Variants in PARP8 observed in about 807,000 individuals in gnomAD.
PARP8 encodes protein mono-ADP-ribosyltransferase PARP8.
Under a neutral mutation model 124.1 loss-of-function variants are expected in PARP8, and 51 were observed. The observed-to-expected ratio is 0.41, with a 90% CI of 0.33 to 0.52. The LOEUF is 0.52. Among genes scored for constraint, PARP8 ranks in the 20% least tolerant of loss-of-function variants. PARP8 has a pLI of 0.21. For synonymous variants in PARP8, 391 were observed against 361.5 expected, an observed-to-expected ratio of 1.08 and a Z score of -0.93; for missense variants, 860 against 1,018.9, an observed-to-expected ratio of 0.84 and a Z score of 2.12.
rs1287526385 is a variant in PARP8 at position 50,688,759 on chromosome 5, C to A, written c.146+20634C>A. On this transcript the variant is annotated intron_variant, in intron 2 of 25. Coordinates refer to ENST00000281631, the MANE Select transcript of PARP8 (RefSeq NM_024615.4). ...CTTGAAGTATTATAGTATTTAAATT[C>A]TTTACTGAAAGAAAACCTGCCACTT... 2.6e-5 allele frequency among the ~76,000 whole-genome samples: 4 copies of A among 152,200 alleles called. No individual in the cohort carries two copies. The East Asian group carries it at 7.7e-4, about 29-fold the overall frequency.
At chr5:50,748,136 G>T (rs1758817541) in intron 2 of PARP8, among the ~76,000 whole-genome samples, 1 of 151,740 alleles carries the variant, frequency 6.6e-6, no homozygotes, top group Non-Finnish European at 1.5e-5. Context: ...TGGATTAAAT[G>T]ATCCAAAATG....
chr5:50,784,735 A>G (rs1266363951), intron 9 of PARP8, among the ~76,000 whole-genome samples: 2 of 152,048 alleles, frequency 1.3e-5, no homozygotes, highest in Non-Finnish European at 2.9e-5. Flanking sequence ...TTCTAGTTTT[A>G]TGTATCAGTA....
intron 14 of PARP8, among the ~76,000 whole-genome samples, chr5:50,803,400 A>T (rs1743454053): frequency 6.6e-6 from 1 of 152,168 alleles, no homozygotes; most frequent in Non-Finnish European, 1.5e-5. Context: ...TAAGCCATAT[A>T]TATTCAAGTA....
intron 18 of PARP8, 134 bp downstream of exon 18, chr5:50,825,109 G>A: frequency 1.4e-6 from 1 of 716,680 alleles, no homozygotes; most frequent in Non-Finnish European, 2.4e-6. Flanking sequence ...AAGCTTATGA[G>A]ACCTGGTGAT....
chr5:50,675,325 T>C (rs1234567073), intron 2 of PARP8, among the ~76,000 whole-genome samples: 2 of 152,344 alleles, frequency 1.3e-5, no homozygotes, highest in East Asian at 3.9e-4. Context: ...ATTTTTGAGA[T>C]GGAGTTTTCG....
At chr5:50,804,245 G>C (rs1561405365) in intron 14 of PARP8, among the ~76,000 whole-genome samples, 1 of 152,162 alleles carries the variant, frequency 6.6e-6, no homozygotes, top group Non-Finnish European at 1.5e-5. Context: ...TAATGGTTTA[G>C]TACTGGGTGA....
chr5:50,714,993 T>C (rs982575690), intron 2 of PARP8, among the ~76,000 whole-genome samples: 4 of 152,078 alleles, frequency 2.6e-5, no homozygotes, highest in Non-Finnish European at 4.4e-5. Context: ...TCATTCTTGC[T>C]GTCTTTGTGA....
chr5:50,762,886 T>G (rs1760698258), intron 6 of PARP8, among the ~76,000 whole-genome samples: 1 of 152,242 alleles, frequency 6.6e-6, no homozygotes, highest in East Asian at 1.9e-4. Context: ...TTCTAGAAGT[T>G]TTTTAGATTA....
At chr5:50,738,965 T>C (rs1299302192) in intron 2 of PARP8, 1 of 702,136 alleles carries the variant, frequency 1.4e-6, no homozygotes, top group Non-Finnish European at 2.6e-6. Flanking sequence ...AAGCTCCACA[T>C]TTTTCTGTAT....
Position 50,815,519 on chromosome 5 carries a change from G to A in PARP8, c.1663G>A (p.Ala555Thr). ...NEAADEIATG[A>T]QVVDLLVSMC... ...AGCTGCTGATGAAATAGCAACTGGA[G>A]CTCAGGTAGTAACACAGGATACTAA... Residue 555 changes from alanine (A) to threonine (T), a missense_variant, in exon 15 of 26, where the codon GCT becomes ACT. By Grantham distance (58) the Ala-to-Thr change is moderately conservative (BLOSUM62 0). Transcript: ENST00000281631. The A allele has an allele frequency of 6.3e-7, 1 of 1,588,370 alleles. No individual in the cohort carries two copies. Among genetic ancestry groups the A allele is most frequent in the Non-Finnish European group, 8.6e-7 (1 of 1,168,608 alleles).
chr5:50,812,082 A>G (rs566638928), intron 14 of PARP8, among the ~76,000 whole-genome samples: 1 of 152,332 alleles, frequency 6.6e-6, no homozygotes, highest in African/African-American at 2.4e-5. Flanking sequence ...CGCATGATTT[A>G]TAATCCTTTG....
At chr5:50,689,422 A>G (rs1182471064) in intron 2 of PARP8, among the ~76,000 whole-genome samples, 1 of 151,992 alleles carries the variant, frequency 6.6e-6, no homozygotes, top group Non-Finnish European at 1.5e-5. Context: ...CCATTTAATC[A>G]CTTGGGGAGT....
At chr5:50,683,754 T>C (rs1304985521) in intron 2 of PARP8, among the ~76,000 whole-genome samples, 3 of 152,316 alleles carry the variant, frequency 2.0e-5, no homozygotes, top group Middle Eastern at 3.4e-3. Flanking sequence ...ACACAAGTTC[T>C]AATAGCAAAC....
intron 17 of PARP8, among the ~76,000 whole-genome samples, chr5:50,823,291 A>G (rs1745975426): frequency 6.6e-6 from 1 of 152,266 alleles, no homozygotes; most frequent in Non-Finnish European, 1.5e-5. Context: ...GTAGGAAGAC[A>G]GTACTCAAAA....
rs1434774836 is a variant in PARP8, at chr5:50,737,749, A to C, written c.147-12402A>C. Among the ~76,000 whole-genome samples, 6 of 152,210 alleles carry C rather than the reference A, an allele frequency of 3.9e-5. No homozygotes were observed. The East Asian group carries it at 1.2e-3, about 29-fold the overall frequency. On this transcript the variant is annotated intron_variant, in intron 2 of 25. Coordinates refer to ENST00000281631, the MANE Select transcript of PARP8 (RefSeq NM_024615.4). ...GACATACATTCAAAATTGGCATTGT[A>C]ATCATAACTGTCTTGTTAAATGGCC...
intron 25 of PARP8, 59 bp downstream of exon 25, chr5:50,835,074 G>T: frequency 7.0e-7 from 1 of 1,428,844 alleles, no homozygotes; most frequent in South Asian, 1.2e-5. Flanking sequence ...GGTTAGTGGT[G>T]ACTGAATTAT....
rs564929276 is a variant in PARP8 at position 50,805,168 on chromosome 5, A to G, written c.1575+7935A>G. ...TTTGCTGATATCATTCCTTATTTCA[A>G]AGTTTTAAACAAGCAAGTTCATTGT... On this transcript the variant is annotated intron_variant, in intron 14 of 25. Transcript: ENST00000281631. Among the ~76,000 whole-genome samples, 4 of 152,222 alleles carry G rather than the reference A, an allele frequency of 2.6e-5. No individual in the cohort carries two copies. The South Asian group carries it at 6.2e-4, about 24-fold the overall frequency.
intron 2 of PARP8, among the ~76,000 whole-genome samples, chr5:50,729,037 T>G (rs1272139391): frequency 6.6e-6 from 1 of 152,196 alleles, no homozygotes; most frequent in African/African-American, 2.4e-5. Context: ...AATTTTATGG[T>G]CCAGTCTTAT....
intron 19 of PARP8, 58 bp downstream of exon 19, chr5:50,826,861 G>T: frequency 6.4e-7 from 1 of 1,550,734 alleles, no homozygotes; most frequent in Admixed American, 2.3e-5. Flanking sequence ...GTACTTATCA[G>T]TTGGGAGAAC....
Sources: gnomAD v4.1 joint callset for allele counts (sites outside exome capture counted in the v4.1 genomes callset) on GRCh38, gnomAD v4.1.1 for gene constraint, MANE v1.5 for transcripts, NCBI Gene and HGNC (gene_info 2026-07-23, HGNC 2026-07-21) for gene names.